Variants in CD177 observed in about 807,000 individuals in gnomAD.
CD177 encodes CD177 molecule.
CD177 carries 41 observed loss-of-function variants against 38.1 expected under a neutral mutation model. That is an observed-to-expected ratio of 1.07 (90% CI 0.84 to 1.39). The LOEUF is 1.39. Among genes scored for constraint, CD177 ranks in the 40% most tolerant of loss-of-function variants. The pLI, the probability that CD177 is intolerant of heterozygous loss-of-function variation, is 0.00. For missense variants in CD177, 619 were observed against 523.8 expected (o/e 1.18, Z -1.77); for synonymous variants, 236 against 216.7 (o/e 1.09, Z -0.78).
chr19:43,355,800 G>T lies in CD177; in HGVS notation c.502+17G>T. On this transcript the variant is annotated intron_variant, in intron 4 of 8. Transcript: ENST00000618265. ...TCAGGGGAGGTAAGCCTGGGACATCGGGGTCCCTGTGGGGACTGAACTGGA... is the reference window on the plus strand; with the variant it reads ...TCAGGGGAGGTAAGCCTGGGACATCTGGGTCCCTGTGGGGACTGAACTGGA... 1 of 1,612,670 alleles carries T rather than the reference G, an allele frequency of 6.2e-7. No homozygotes were observed. The highest frequency in any genetic ancestry group is 8.5e-7 in the Non-Finnish European group (1 of 1,179,334).
At chr19:43,354,054 C>G in intron 2 of CD177, 61 bp downstream of exon 2, 1 of 1,583,164 alleles carries the variant, frequency 6.3e-7, no homozygotes, top group Admixed American at 1.7e-5. Flanking sequence ...GATCCCTGTG[C>G]AGGGACCCGG....
At position 43,355,789 on chromosome 19, in the gene CD177, C is replaced by A; in HGVS notation, c.502+6C>A. The A allele has an allele frequency of 6.2e-7, 1 of 1,612,866 alleles. No individual in the cohort carries two copies. On this transcript the variant is annotated splice_donor_region_variant and intron_variant, in intron 4 of 8. Coordinates refer to ENST00000618265, the MANE Select transcript of CD177 (RefSeq NM_020406.4). ...CCTCCTCAGGCTCAGGGGAGGTAAG[C>A]CTGGGACATCGGGGTCCCTGTGGGG...
chr19:43,354,401 G>A lies in CD177; in HGVS notation c.379+9G>A, dbSNP rs201814148. ...CCCACAGCCCCCAGCAGGTGCCTGC[G>A]GGAGGGTCGGGAGGAGAGGGAGGGG... On this transcript the variant is annotated intron_variant, in intron 3 of 8. Coordinates refer to ENST00000618265, the MANE Select transcript of CD177 (RefSeq NM_020406.4). 3 of 1,613,338 alleles carry A rather than the reference G, an allele frequency of 1.9e-6. No homozygotes were observed. The highest frequency in any genetic ancestry group is 1.1e-5 in the South Asian group (1 of 91,076).
rs114388023 is a variant in CD177 at position 43,362,504 on chromosome 19, G to A, written c.*184G>A. On this transcript the variant is annotated 3_prime_UTR_variant, in exon 9 of 9. Transcript: ENST00000618265. Reference sequence around the variant, plus strand: ...ACACTGGGGAGAGCCTGGAGCATCCGGACTTGCCCTATGGGAGAGGGGACG... The same window carrying A: ...ACACTGGGGAGAGCCTGGAGCATCCAGACTTGCCCTATGGGAGAGGGGACG... 9.7e-3 allele frequency: 4,868 copies of A among 504,036 alleles called. 216 individuals carry two copies. The highest frequency in any genetic ancestry group is 0.084 in the African/African-American group (4,377 of 51,872). 31.2% of individuals were successfully genotyped at this position (504,036 alleles called of 1,614,324 possible).
At chr19:43,354,467 G>A (rs761596118) in intron 3 of CD177, 75 bp downstream of exon 3, 17 of 1,492,334 alleles carry the variant, frequency 1.1e-5, no homozygotes, top group Admixed American at 1.7e-5. Flanking sequence ...GGGCTGTTAC[G>A]GAGTCCCTCC....
rs1010939862 is a variant in CD177 at position 43,362,010 on chromosome 19, C to T, written c.1082-78C>T. The T allele has an allele frequency of 1.0e-5, 13 of 1,254,626 alleles. No homozygotes were observed. In the African/African-American group the frequency reaches 1.6e-4, roughly 16 times the overall value. The allele number at this position is 1,254,626 out of a possible 1,614,324, so 77.7% of individuals were successfully genotyped here. A position where few individuals can be genotyped will look rare whatever the true frequency, so the allele number is the denominator to read the frequency against. ...GCTCCTCGGTCTGAGGGAGGAGGGT[C>T]TGGGGCCTGGACTCCTGGGTTTACA... On this transcript the variant is annotated intron_variant, in intron 8 of 8. Transcript: ENST00000618265.
At position 43,353,770 on chromosome 19, in the gene CD177, A is replaced by C; in HGVS notation, c.52+4A>C. On this transcript the variant is annotated splice_donor_region_variant and intron_variant, in intron 1 of 8. Transcript: ENST00000618265. Reference sequence around the variant, plus strand: ...GGGTTCATCCTCCCACTGCCAGGTGAGTGATGAGCCCAGCCTGGAGGAGAT... The same window carrying C: ...GGGTTCATCCTCCCACTGCCAGGTGCGTGATGAGCCCAGCCTGGAGGAGAT... 1.2e-6 allele frequency: 2 copies of C among 1,613,822 alleles called. No homozygotes were observed. The highest frequency in any genetic ancestry group is 1.7e-6 in the Non-Finnish European group (2 of 1,179,836).
Position 43,354,265 on chromosome 19 carries a change from C to T in CD177, c.252C>T (p.Pro84=), listed in dbSNP as rs374819001. Residue 84 remains proline (P), a synonymous_variant, in exon 3 of 9, where the codon CCC becomes CCT. Transcript: ENST00000618265. ...KGCTEAKDQE[P]RVTEHRMGPG... ...GCACGGAGGCCAAGGACCAGGAGCC[C>T]CGCGTCACTGAGCACCGGATGGGCC... 5.0e-6 allele frequency: 8 copies of T among 1,613,806 alleles called. No homozygotes were observed. Among genetic ancestry groups the T allele is most frequent in the Non-Finnish European group, 6.8e-6 (8 of 1,179,874 alleles).
At position 43,360,251 on chromosome 19, in the gene CD177, A is replaced by T. The variant is rs370613435; in HGVS notation, c.620-14A>T. The T allele has an allele frequency of 1.0e-4, 163 of 1,611,894 alleles. No homozygotes were observed. The highest frequency in any genetic ancestry group is 3.8e-4 in the East Asian group (17 of 44,814). Reference sequence around the variant, plus strand: ...GTTCCTGGCTTACACACACCCTGGGATTCCTCTCCCCAGATTTTCTGACCT... The same window carrying T: ...GTTCCTGGCTTACACACACCCTGGGTTTCCTCTCCCCAGATTTTCTGACCT... On this transcript the variant is annotated splice_polypyrimidine_tract_variant and intron_variant, in intron 5 of 8. Transcript: ENST00000618265.
downstream of CD177, among the ~76,000 whole-genome samples, chr19:43,364,197 G>A (rs1315847005): frequency 1.3e-5 from 2 of 152,220 alleles, no homozygotes; most frequent in Non-Finnish European, 2.9e-5. Flanking sequence ...CATTGTGCTG[G>A]GCACCAGTTC....
At position 43,362,524 on chromosome 19, in the gene CD177, G is replaced by C; in HGVS notation, c.*204G>C. 2.1e-6 allele frequency: 1 copy of C among 474,082 alleles called. No individual in the cohort carries two copies. The highest frequency in any genetic ancestry group is 2.9e-4 in the Middle Eastern group (1 of 3,482). The allele number at this position is 474,082 out of a possible 1,614,324, so 29.4% of individuals were successfully genotyped here. A position where few individuals can be genotyped will look rare whatever the true frequency, so the allele number is the denominator to read the frequency against. The stretch of plus-strand genomic sequence containing the variant: ...CATCCGGACTTGCCCTATGGGAGAG[G>C]GGACGCTGGAGGAGTGGCTGCATGT... On this transcript the variant is annotated 3_prime_UTR_variant, in exon 9 of 9. Transcript: ENST00000618265.
chr19:43,361,003 T>A (rs993620826), intron 6 of CD177, 140 bp from the exon 7 acceptor site: 24 of 616,418 alleles, frequency 3.9e-5, no homozygotes, highest in African/African-American at 3.5e-4. Context: ...TGCCCCACAC[T>A]AAACATGACC....
At position 43,362,237 on chromosome 19, in the gene CD177, G is replaced by A. The variant is rs1190877786; in HGVS notation, c.1231G>A (p.Glu411Lys). 6.2e-7 allele frequency: 1 copy of A among 1,611,912 alleles called. No homozygotes were observed. The highest frequency in any genetic ancestry group is 8.5e-7 in the Non-Finnish European group (1 of 1,178,064). ...CTCTCAGCATGAGGGAGGTGGGGCT[G>A]AGGGCCTGGAGTCTCTCACTTGGGG... ...PASQHEGGGA[E>K]GLESLTWGVG... is the part of the protein sequence containing the mutation. The change falls in exon 9 of 9, where the codon GAG (glutamate) becomes AAG (lysine). Residue 411 changes from glutamate (E) to lysine (K), a missense_variant. Glu to Lys is a moderately conservative substitution (Grantham distance 56). Coordinates refer to ENST00000618265, the MANE Select transcript of CD177 (RefSeq NM_020406.4).
At position 43,354,401 on chromosome 19, in the gene CD177, G is replaced by C. The variant is rs201814148; in HGVS notation, c.379+9G>C. 1.5e-5 allele frequency: 24 copies of C among 1,613,456 alleles called. No individual in the cohort carries two copies. The highest frequency in any genetic ancestry group is 2.7e-5 in the African/African-American group (2 of 74,956). ...CCCACAGCCCCCAGCAGGTGCCTGC[G>C]GGAGGGTCGGGAGGAGAGGGAGGGG... On this transcript the variant is annotated intron_variant, in intron 3 of 8. Coordinates refer to ENST00000618265, the MANE Select transcript of CD177 (RefSeq NM_020406.4).
At position 43,353,971 on chromosome 19, in the gene CD177, C is replaced by G; in HGVS notation, c.171C>G (p.Asp57Glu). 3 of 1,613,832 alleles carry G rather than the reference C, an allele frequency of 1.9e-6. No homozygotes were observed. Among genetic ancestry groups the G allele is most frequent in the Non-Finnish European group, 2.5e-6 (3 of 1,179,818 alleles). The change falls in exon 2 of 9, where the codon GAC (aspartate) becomes GAG (glutamate). Residue 57 changes from aspartate (D) to glutamate (E), a missense_variant. Transcript: ENST00000618265. ...GCGACAGCGGCTTGGGGTGCCAGGA[C>G]ACGTTGATGCTCATTGAGAGCGGTG... Reference protein sequence around the residue: ...TSCDSGLGCQDTLMLIESGPQ... With the variant: ...TSCDSGLGCQETLMLIESGPQ...
rs1969985668 is a variant in CD177 at position 43,362,417 on chromosome 19, C to T, written c.*97C>T. 1.7e-6 allele frequency: 1 copy of T among 601,686 alleles called. No individual in the cohort carries two copies. Among genetic ancestry groups the T allele is most frequent in the Non-Finnish European group, 3.0e-6 (1 of 337,936 alleles). The allele number at this position is 601,686 out of a possible 1,614,324, so 37.3% of individuals were successfully genotyped here. A position where few individuals can be genotyped will look rare whatever the true frequency, so the allele number is the denominator to read the frequency against. On this transcript the variant is annotated 3_prime_UTR_variant, in exon 9 of 9. Transcript: ENST00000618265. ...ATGGCCTTGGACACCAGATTCTTTC[C>T]CATTCTGTCCATGAATCATCTTCCC...
intron 8 of CD177, among the ~76,000 whole-genome samples, 186 bp from the exon 9 acceptor site, chr19:43,361,902 G>A (rs1169894824): frequency 1.4e-5 from 2 of 146,692 alleles, no homozygotes; most frequent in African/African-American, 5.0e-5. Context: ...AGGAGGGACT[G>A]GGGGCCTGGA....
At chr19:43,355,873 G>A in intron 4 of CD177, 90 bp downstream of exon 4, 2 of 1,576,840 alleles carry the variant, frequency 1.3e-6, no homozygotes, top group Non-Finnish European at 1.7e-6. Flanking sequence ...GGTGAGCTGA[G>A]GCACGGCATG....
intron 8 of CD177, among the ~76,000 whole-genome samples, 158 bp downstream of exon 8, chr19:43,361,737 A>G (rs1421653285): frequency 2.5e-5 from 3 of 120,498 alleles, no homozygotes; most frequent in Admixed American, 9.5e-5. Flanking sequence ...GGGGGCCTGG[A>G]CTCCTGGTCT....
Sources: gnomAD v4.1 joint callset for allele counts (sites outside exome capture counted in the v4.1 genomes callset) on GRCh38, gnomAD v4.1.1 for gene constraint, MANE v1.5 for transcripts, NCBI Gene and HGNC (gene_info 2026-07-23, HGNC 2026-07-21) for gene names.